NUMB: variants seen among roughly 807,000 people sequenced by gnomAD.
NUMB encodes the protein protein numb homolog.
In NUMB, 29 loss-of-function variants were observed where a neutral mutation model predicts 59.7. The ratio of observed to expected loss-of-function variants is 0.49; its 90% CI spans 0.36 to 0.66. NUMB has a LOEUF of 0.66. Ranked by LOEUF, NUMB falls within the 30% of genes least tolerant of loss-of-function variation. The pLI is 0.00. For missense variants in NUMB, 723 were observed against 822.0 expected, an observed-to-expected ratio of 0.88 and a Z score of 1.47; for synonymous variants, 288 against 288.2, an observed-to-expected ratio of 1.00 and a Z score of 0.01.
chr14:73,356,771 C>A (rs1326292929), intron 3 of NUMB, among the ~76,000 whole-genome samples: 1 of 152,132 alleles, frequency 6.6e-6, no homozygotes. Flanking sequence ...CAGCTCATTG[C>A]AACCTTTATC....
chr14:73,454,065 G>GA (rs1325286570), intron 1 of NUMB, among the ~76,000 whole-genome samples: 18 of 149,986 alleles, frequency 1.2e-4, no homozygotes, highest in African/African-American at 4.6e-4. Flanking sequence ...AAAAAGTTGG[G>GA]CGGGGGGGGA....
chr14:73,292,611 GC>G, intron 8 of NUMB, 122 bp downstream of exon 8: 1 of 837,054 alleles, frequency 1.2e-6, no homozygotes, highest in Non-Finnish European at 1.8e-6. Context: ...CTGAAAGTAG[GC>G]TAGTTTAGGC....
Position 73,279,442 on chromosome 14 carries a change from A to G in NUMB, c.1097-18T>C. On this transcript the variant is annotated intron_variant, in intron 11 of 12. Coordinates refer to ENST00000555238, the MANE Select transcript of NUMB (RefSeq NM_001005743.2). ...GCCATTAGCTACAACGGGAGCAGAC[A>G]ACATCAATGGAGTTAATTCATGCAG... The G allele has an allele frequency of 6.4e-7, 1 of 1,559,634 alleles. No homozygotes were observed. Among genetic ancestry groups the G allele is most frequent in the South Asian group, 1.2e-5 (1 of 80,664 alleles).
At chr14:73,347,865 T>A (rs1417064784) in intron 4 of NUMB, among the ~76,000 whole-genome samples, 1 of 152,220 alleles carries the variant, frequency 6.6e-6, no homozygotes, top group Non-Finnish European at 1.5e-5. Context: ...ACAACTTTAA[T>A]TTATGTACGG....
chr14:73,319,344 G>C (rs1891271963), intron 5 of NUMB, among the ~76,000 whole-genome samples: 1 of 152,202 alleles, frequency 6.6e-6, no homozygotes, highest in Non-Finnish European at 1.5e-5. Context: ...TGGTGGTACA[G>C]TGATGAGCAT....
chr14:73,381,203 C>T (rs1895223222), intron 2 of NUMB, among the ~76,000 whole-genome samples: 1 of 152,130 alleles, frequency 6.6e-6, no homozygotes, highest in Non-Finnish European at 1.5e-5. Flanking sequence ...CTTTAATCAA[C>T]CTCGGTACCT....
At chr14:73,404,540 A>T (rs1896569476) in intron 2 of NUMB, among the ~76,000 whole-genome samples, 1 of 152,196 alleles carries the variant, frequency 6.6e-6, no homozygotes, top group Non-Finnish European at 1.5e-5. Context: ...ACACATATAA[A>T]GCATGGGAAA....
intron 4 of NUMB, among the ~76,000 whole-genome samples, chr14:73,346,594 A>T (rs1252912850): frequency 6.6e-6 from 1 of 152,184 alleles, no homozygotes. Flanking sequence ...ATACTAATAT[A>T]TTTAAATATA....
intron 6 of NUMB, chr14:73,297,771 G>T (rs1310099758): frequency 3.3e-5 from 5 of 152,628 alleles, no homozygotes; most frequent in African/African-American, 1.2e-4. Flanking sequence ...GTTATAGCAG[G>T]ACCCTTGGTC....
chr14:73,449,461 G>C lies in NUMB; in HGVS notation c.-233+9032C>G, dbSNP rs117622624. On this transcript the variant is annotated intron_variant, in intron 1 of 12. Transcript: ENST00000555238. ...TATACTGTATTTATTCGTATTATTT[G>C]TATTGTTTTATTTTTTATTGGGTTT... Among the ~76,000 whole-genome samples the C allele has an allele frequency of 0.013, 1,980 of 152,146 alleles. 99 individuals carry two copies. In the South Asian group the frequency reaches 0.16, roughly 12 times the overall value.
chr14:73,287,443 GTC>G (rs1163789896), intron 8 of NUMB, 129 bp from the exon 9 acceptor site: 17 of 777,004 alleles, frequency 2.2e-5, no homozygotes, highest in Admixed American at 2.0e-4. Context: ...CAGTGGCGCA[GTC>G]TCTGCTCACT....
chr14:73,425,517 T>C (rs928246490), intron 1 of NUMB, among the ~76,000 whole-genome samples: 1 of 152,098 alleles, frequency 6.6e-6, no homozygotes, highest in Non-Finnish European at 1.5e-5. Flanking sequence ...TAAAATTAAA[T>C]TTAAATGTCT....
At chr14:73,372,759 C>T (rs1174401055) in intron 2 of NUMB, among the ~76,000 whole-genome samples, 1 of 152,006 alleles carries the variant, frequency 6.6e-6, no homozygotes, top group Admixed American at 6.6e-5. Context: ...CACTATTGTT[C>T]ATATTTCAAT....
At chr14:73,290,413 G>GTA (rs1243675987) in intron 8 of NUMB, among the ~76,000 whole-genome samples, 1 of 152,198 alleles carries the variant, frequency 6.6e-6, no homozygotes, top group Admixed American at 6.5e-5. Flanking sequence ...TTATAGAAGT[G>GTA]TATACCAAGA....
At chr14:73,303,029 C>G (rs151144336) in intron 6 of NUMB, among the ~76,000 whole-genome samples, 13 of 151,706 alleles carry the variant, frequency 8.6e-5, no homozygotes, top group African/African-American at 2.9e-4. Context: ...ACCAACCTCA[C>G]GAACATGGCG....
At chr14:73,342,797 AAT>A (rs1892704206) in intron 4 of NUMB, among the ~76,000 whole-genome samples, 1 of 152,186 alleles carries the variant, frequency 6.6e-6, no homozygotes, top group South Asian at 2.1e-4. Context: ...GCACACAGCT[AAT>A]AAGAGCAAAG....
chr14:73,404,459 G>C (rs115230356), intron 2 of NUMB, among the ~76,000 whole-genome samples: 4,187 of 152,130 alleles, frequency 0.028, 85 homozygotes, highest in Middle Eastern at 0.079. Flanking sequence ...CAAGTATTTA[G>C]AGGTAAATTA....
intron 2 of NUMB, among the ~76,000 whole-genome samples, chr14:73,394,303 T>C (rs1001357625): frequency 1.8e-4 from 28 of 152,096 alleles, no homozygotes; most frequent in Admixed American, 1.4e-3. Context: ...TATGTATACA[T>C]TGTGAAATGG....
chr14:73,297,505 A>G (rs1047449653), intron 6 of NUMB: 1 of 380,244 alleles, frequency 2.6e-6, no homozygotes, highest in Admixed American at 4.3e-5. Flanking sequence ...ACAACGCAAA[A>G]CAATAAGATA....
Sources: allele counts gnomAD v4.1 joint callset (sites outside exome capture counted in the v4.1 genomes callset), GRCh38; gene constraint gnomAD v4.1.1; transcripts MANE v1.5; gene names NCBI Gene and HGNC (gene_info 2026-07-23, HGNC 2026-07-21).